The following DOK4 variants were observed in gnomAD, a reference collection of about 807,000 sequenced individuals.
DOK4 encodes the protein docking protein 4.
Under a neutral mutation model 40.1 loss-of-function variants are expected in DOK4, and 26 were observed. That is an observed-to-expected ratio of 0.65 (90% CI 0.48 to 0.90). The LOEUF is 0.90. Among genes scored for constraint, DOK4 ranks in the 40% least tolerant of loss-of-function variants. DOK4 has a pLI of 0.00. For missense variants in DOK4, 392 were observed against 437.2 expected, an observed-to-expected ratio of 0.90 and a Z score of 0.92; for synonymous variants, 179 against 177.0, an observed-to-expected ratio of 1.01 and a Z score of -0.09.
chr16:57,476,064 TTCCCTGGAG>T, intron 2 of DOK4, 107 bp from the exon 3 acceptor site: 1 of 928,736 alleles, frequency 1.1e-6, no homozygotes. Flanking sequence ...CCGCACAGCC[TTCCCTGGAG>T]CCCCAGCCTG....
intron 1 of DOK4, chr16:57,481,863 T>C (rs917206578): frequency 8.2e-6 from 1 of 121,342 alleles, no homozygotes; most frequent in Admixed American, 7.8e-5. Flanking sequence ...CTACCCTTTT[T>C]CTTTTTCTTT....
intron 2 of DOK4, among the ~76,000 whole-genome samples, chr16:57,478,058 C>T (rs2031261429): frequency 6.6e-6 from 1 of 152,216 alleles, no homozygotes; most frequent in Non-Finnish European, 1.5e-5. Context: ...TGGGGACCTG[C>T]TAAGTCTGGG....
chr16:57,473,212 G>A, exon 9 of DOK4: 1 of 1,056,662 alleles, frequency 9.5e-7, no homozygotes, highest in Non-Finnish European at 1.3e-6. Flanking sequence ...GGTGTGGCCA[G>A]CCCTTTGCCT....
chr16:57,481,794 C>T (rs1476078344), intron 1 of DOK4: 1 of 152,270 alleles, frequency 6.6e-6, no homozygotes, highest in Non-Finnish European at 1.5e-5. Context: ...AATCTACCTA[C>T]TTTAAATGAG....
At chr16:57,474,755 C>T (rs780802509) in intron 6 of DOK4, 38 bp downstream of exon 6, 7 of 1,604,564 alleles carry the variant, frequency 4.4e-6, no homozygotes, top group South Asian at 3.3e-5. Context: ...CACCATCACA[C>T]CATAGTAGGA....
chr16:57,475,026 G>C, intron 5 of DOK4, 44 bp from the exon 6 acceptor site: 1 of 1,600,474 alleles, frequency 6.2e-7, no homozygotes, highest in South Asian at 1.1e-5. Context: ...AGTTGCCCCA[G>C]ATGGGGACTT....
At chr16:57,482,557 C>T (rs941618068) in intron 1 of DOK4, among the ~76,000 whole-genome samples, 5 of 151,720 alleles carry the variant, frequency 3.3e-5, no homozygotes, top group African/African-American at 4.8e-5. Flanking sequence ...TTAGTAAAGA[C>T]GGGGTTTCAC....
At chr16:57,475,436 C>A in intron 4 of DOK4, 70 bp downstream of exon 4, 1 of 1,463,828 alleles carries the variant, frequency 6.8e-7, no homozygotes, top group East Asian at 2.4e-5. Context: ...CTGCTCTGCC[C>A]GCTCCTAGCT....
At chr16:57,475,702 C>CTCCG in intron 3 of DOK4, 82 bp from the exon 4 acceptor site, 1 of 835,362 alleles carries the variant, frequency 1.2e-6, no homozygotes, top group African/African-American at 1.8e-5. Flanking sequence ...CTCTCCCTCC[C>CTCCG]TCCCTCTCTC....
intron 2 of DOK4, 71 bp from the exon 3 acceptor site, chr16:57,476,028 AC>A (rs2031168548): frequency 7.5e-7 from 1 of 1,329,898 alleles, no homozygotes; most frequent in African/African-American, 1.5e-5. Context: ...CCCTGCAGCC[AC>A]CCCTGCCTGC....
chr16:57,476,098 G>C (rs2031172508), intron 2 of DOK4, 141 bp from the exon 3 acceptor site: 1 of 673,426 alleles, frequency 1.5e-6, no homozygotes, highest in Admixed American at 2.4e-5. Context: ...CACCGGGGGT[G>C]GGAGTCACCA....
At chr16:57,484,043 G>A (rs1412647667) in intron 1 of DOK4, 2 of 152,274 alleles carry the variant, frequency 1.3e-5, no homozygotes, top group African/African-American at 2.4e-5. Context: ...CTGGTGTCCT[G>A]GGGTGGCGGG....
intron 2 of DOK4, among the ~76,000 whole-genome samples, chr16:57,477,786 G>C (rs2031247492): frequency 6.6e-6 from 1 of 152,166 alleles, no homozygotes; most frequent in Non-Finnish European, 1.5e-5. Flanking sequence ...CACCTCTGTG[G>C]GCTGAGATGA....
chr16:57,482,890 G>A (rs663133), intron 1 of DOK4, among the ~76,000 whole-genome samples: 73,927 of 152,080 alleles, frequency 0.49, 18,470 homozygotes, highest in Non-Finnish European at 0.55. Context: ...CCAGAAGCCA[G>A]CCTGCTCCTT....
intron 6 of DOK4, 64 bp downstream of exon 6, chr16:57,474,729 C>CA: frequency 6.3e-7 from 1 of 1,577,778 alleles, no homozygotes; most frequent in South Asian, 1.1e-5. Context: ...GTGCCCAACA[C>CA]AGAGTGAATG....
intron 1 of DOK4, among the ~76,000 whole-genome samples, chr16:57,483,571 A>T (rs1467765452): frequency 3.3e-5 from 5 of 152,202 alleles, no homozygotes; most frequent in African/African-American, 1.2e-4. Flanking sequence ...TCCAGGTAGC[A>T]GTGAGCTATG....
chr16:57,473,926 A>T (rs771529515), exon 7 of DOK4: 5 of 1,562,608 alleles, frequency 3.2e-6, no homozygotes, highest in Non-Finnish European at 4.4e-6. Context: ...CATTTCCAGC[A>T]GGACCCGCTT....
chr16:57,476,546 G>C (rs1335653883), intron 2 of DOK4, among the ~76,000 whole-genome samples: 5 of 152,256 alleles, frequency 3.3e-5, no homozygotes, highest in African/African-American at 1.2e-4. Context: ...ACATCCCCGT[G>C]CCCCTAGTTC....
At chr16:57,474,898 T>G in exon 6 of DOK4, 1 of 1,613,982 alleles carries the variant, frequency 6.2e-7, no homozygotes, top group Non-Finnish European at 8.5e-7. Flanking sequence ...GTCCCAGAGG[T>G]AGATGTTCTC....
Sources: gnomAD v4.1 joint callset for allele counts (sites outside exome capture counted in the v4.1 genomes callset) on GRCh38, gnomAD v4.1.1 for gene constraint, MANE v1.5 for transcripts, NCBI Gene and HGNC (gene_info 2026-07-23, HGNC 2026-07-21) for gene names.